Variants in DIPK1B observed in about 807,000 individuals in gnomAD.
DIPK1B encodes divergent protein kinase domain 1B, also known as family with sequence similarity 69 member B.
In DIPK1B, 17 loss-of-function variants were observed where a neutral mutation model predicts 20.7. The observed-to-expected ratio is 0.82, with a 90% CI of 0.56 to 1.23. The LOEUF (loss-of-function observed/expected upper bound fraction) is 1.23, where lower values mean the gene tolerates loss of function less well. DIPK1B is among the 50% of genes most tolerant of loss of function. DIPK1B has a pLI of 0.00. For synonymous variants in DIPK1B, 343 were observed against 276.5 expected, an observed-to-expected ratio of 1.24 and a Z score of -2.39; for missense variants, 648 against 601.8, an observed-to-expected ratio of 1.08 and a Z score of -0.80.
chr9:136,716,557 G>A (rs1263343671), intron 1 of DIPK1B, among the ~76,000 whole-genome samples: 3 of 151,854 alleles, frequency 2.0e-5, no homozygotes, highest in African/African-American at 4.8e-5. Flanking sequence ...GTGAGCCACC[G>A]CACCCAGCTA....
In DIPK1B at chr9:136,723,969, G is replaced by A. The variant is rs745532472; in HGVS notation, c.*195G>A. Reference sequence around the variant, plus strand: ...GAGCAAAGGCGGACATGGACATCCCGGCAGGAGAGTCCTCCAAGGGGGTTT... The same window carrying A: ...GAGCAAAGGCGGACATGGACATCCCAGCAGGAGAGTCCTCCAAGGGGGTTT... On this transcript the variant is annotated 3_prime_UTR_variant, in exon 5 of 5. Transcript: ENST00000371692. The A allele has an allele frequency of 7.0e-5, 43 of 617,058 alleles. No homozygotes were observed. The highest frequency in any genetic ancestry group is 2.1e-4 in the Admixed American group (7 of 33,540). 38.2% of individuals were successfully genotyped at this position (617,058 alleles called of 1,614,324 possible). A position where few individuals can be genotyped will look rare whatever the true frequency, so the allele number is the denominator to read the frequency against.
intron 3 of DIPK1B, 34 bp downstream of exon 3, chr9:136,722,062 C>T (rs1191392606): frequency 4.3e-6 from 7 of 1,613,320 alleles, no homozygotes; most frequent in Non-Finnish European, 5.9e-6. Flanking sequence ...GGGCCTGGGG[C>T]TGATACTGCC....
At chr9:136,722,673 GCT>G (rs1177443195) in intron 4 of DIPK1B, 6 of 572,376 alleles carry the variant, frequency 1.0e-5, no homozygotes, top group African/African-American at 3.7e-5. Context: ...CCTCAGGGAA[GCT>G]CTGAGGCTTC....
intron 1 of DIPK1B, among the ~76,000 whole-genome samples, chr9:136,715,308 A>T (rs913047802): frequency 7.2e-5 from 11 of 152,122 alleles, no homozygotes; most frequent in Admixed American, 3.9e-4. Flanking sequence ...GGGAGAGGGA[A>T]GGTGGCATGC....
chr9:136,715,085 A>T (rs938474850), intron 1 of DIPK1B, among the ~76,000 whole-genome samples: 1 of 152,128 alleles, frequency 6.6e-6, no homozygotes, highest in African/African-American at 2.4e-5. Context: ...CGGGAGGAGG[A>T]TGTGCCCAGG....
chr9:136,713,514 C>G (rs11793385), intron 1 of DIPK1B, among the ~76,000 whole-genome samples: 3 of 152,074 alleles, frequency 2.0e-5, no homozygotes, highest in Admixed American at 2.0e-4. Flanking sequence ...CTGGGAAGAG[C>G]GTATGGAACC....
chr9:136,722,399 GA>G, intron 4 of DIPK1B, 98 bp downstream of exon 4: 1 of 1,361,394 alleles, frequency 7.3e-7, no homozygotes, highest in Non-Finnish European at 1.0e-6. Flanking sequence ...CAAAGGCACA[GA>G]TGGGCCCAAG....
In DIPK1B at chr9:136,723,370, A is replaced by C; in HGVS notation, c.892A>C (p.Thr298Pro). The C allele has an allele frequency of 3.1e-6, 5 of 1,613,308 alleles. No individual in the cohort carries two copies. The highest frequency in any genetic ancestry group is 3.4e-6 in the Non-Finnish European group (4 of 1,179,838). Residue 298 changes from threonine to proline, a missense_variant, in exon 5 of 5, where the codon ACC becomes CCC. Coordinates refer to ENST00000371692, the MANE Select transcript of DIPK1B (RefSeq NM_152421.4). Reference protein sequence around the residue: ...GSYGTFYMCETTLANVGYTAT... With the variant: ...GSYGTFYMCEPTLANVGYTAT... ...TTACGGGACTTTCTACATGTGTGAGACCACACTGGCCAACGTGGGCTACAC... is the reference window on the plus strand; with the variant it reads ...TTACGGGACTTTCTACATGTGTGAGCCCACACTGGCCAACGTGGGCTACAC...
chr9:136,714,156 G>A (rs1846463999), intron 1 of DIPK1B, among the ~76,000 whole-genome samples: 1 of 152,206 alleles, frequency 6.6e-6, no homozygotes, highest in South Asian at 2.1e-4. Context: ...GCAGGGTCAG[G>A]GATGGCAGCT....
At chr9:136,717,751 C>T (rs942671525) in intron 2 of DIPK1B, 40 bp downstream of exon 2, 1 of 1,605,822 alleles carries the variant, frequency 6.2e-7, no homozygotes, top group African/African-American at 1.3e-5. Context: ...GGGCCGTGCC[C>T]CCTGCTGCCC....
At position 136,722,206 on chromosome 9, in the gene DIPK1B, G is replaced by T. The variant is rs145054914; in HGVS notation, c.388G>T (p.Asp130Tyr). Residue 130 changes from aspartate (D) to tyrosine (Y), a missense_variant, in exon 4 of 5, where the codon GAT becomes TAT. Transcript: ENST00000371692. ...GACCCTCGACTCCAAGGCCCGGTCG[G>T]ATGCGGCCCCCCGGCGGGAGCTGGT... Reference protein sequence around the residue: ...EETLDSKARSDAAPRRELVLF... With the variant: ...EETLDSKARSYAAPRRELVLF... 1.3e-5 allele frequency: 21 copies of T among 1,613,938 alleles called. No homozygotes were observed. Among genetic ancestry groups the T allele is most frequent in the Non-Finnish European group, 1.7e-5 (20 of 1,180,012 alleles).
rs1277856444 is a variant in DIPK1B at position 136,717,606 on chromosome 9, C to T, written c.93C>T (p.Cys31=). 6.2e-7 allele frequency: 1 copy of T among 1,602,396 alleles called. No individual in the cohort carries two copies. Among genetic ancestry groups the T allele is most frequent in the Non-Finnish European group, 8.5e-7 (1 of 1,179,870 alleles). The change falls in exon 2 of 5, where the codon TGC becomes TGT. Residue 31 remains cysteine, a synonymous_variant. Coordinates refer to ENST00000371692, the MANE Select transcript of DIPK1B (RefSeq NM_152421.4). The stretch of plus-strand genomic sequence containing the variant: ...GGCTCCCAGGCCTCAGGGTCCGCTG[C>T]ATCTTCCTGGCCTGGCTGGGCGTCT... ...QGRLPGLRVR[C]IFLAWLGVFA... is the part of the protein sequence containing the mutation.
At chr9:136,717,774 C>T in intron 2 of DIPK1B, 63 bp downstream of exon 2, 2 of 1,598,792 alleles carry the variant, frequency 1.3e-6, no homozygotes, top group Non-Finnish European at 8.5e-7. Context: ...GATGCTGGGG[C>T]ACCAGGCCCT....
intron 1 of DIPK1B, among the ~76,000 whole-genome samples, chr9:136,715,907 G>A (rs560365490): frequency 1.4e-4 from 22 of 152,244 alleles, no homozygotes; most frequent in African/African-American, 4.6e-4. Flanking sequence ...CCCTCTGTCC[G>A]CAGAGCTCTC....
chr9:136,715,077 G>A (rs1243379009), intron 1 of DIPK1B, among the ~76,000 whole-genome samples: 3 of 152,258 alleles, frequency 2.0e-5, no homozygotes, highest in East Asian at 1.9e-4. Context: ...GGCGCTGCCG[G>A]GAGGAGGATG....
chr9:136,722,642 C>T lies in DIPK1B; in HGVS notation c.484-320C>T, dbSNP rs182126215. The T allele has an allele frequency of 2.9e-3, 1,639 of 565,974 alleles. 25 individuals are homozygous for T. Among genetic ancestry groups the T allele is most frequent in the African/African-American group, 0.028 (1,492 of 53,372 alleles). 35.1% of individuals were successfully genotyped at this position (565,974 alleles called of 1,614,324 possible). ...CAGGGCTTCAGCCAGTGCGTGCCCT[C>T]TGCCCTGTGCCGATTCTCATCCTCA... On this transcript the variant is annotated intron_variant, in intron 4 of 4. Transcript: ENST00000371692.
In DIPK1B at chr9:136,723,875, T is replaced by C. The variant is rs986249856; in HGVS notation, c.*101T>C. ...TGTCAGAAGATGTGAAATGCAACTGTGTTGCAAAATCACTCCCCTACCGTC... is the reference window on the plus strand; with the variant it reads ...TGTCAGAAGATGTGAAATGCAACTGCGTTGCAAAATCACTCCCCTACCGTC... On this transcript the variant is annotated 3_prime_UTR_variant, in exon 5 of 5. Transcript: ENST00000371692. 1 of 1,221,598 alleles carries C rather than the reference T, an allele frequency of 8.2e-7. No homozygotes were observed. The highest frequency in any genetic ancestry group is 1.5e-5 in the African/African-American group (1 of 66,176). The allele number at this position is 1,221,598 out of a possible 1,614,324, so 75.7% of individuals were successfully genotyped here.
In DIPK1B at chr9:136,717,614, T is replaced by G; in HGVS notation, c.101T>G (p.Leu34Arg). ...GGCCTCAGGGTCCGCTGCATCTTCC[T>G]GGCCTGGCTGGGCGTCTTTGCAGGC... ...LPGLRVRCIF[L>R]AWLGVFAGSW... The change falls in exon 2 of 5, where the codon CTG becomes CGG. Residue 34 changes from leucine (L) to arginine (R), a missense_variant. Transcript: ENST00000371692. The G allele has an allele frequency of 6.2e-7, 1 of 1,603,504 alleles. No homozygotes were observed. The highest frequency in any genetic ancestry group is 8.5e-7 in the Non-Finnish European group (1 of 1,179,896).
At position 136,723,555 on chromosome 9, in the gene DIPK1B, C is replaced by G. The variant is rs753132003; in HGVS notation, c.1077C>G (p.Gly359=). 1 of 1,597,488 alleles carries G rather than the reference C, an allele frequency of 6.3e-7. No individual in the cohort carries two copies. The highest frequency in any genetic ancestry group is 1.1e-5 in the South Asian group (1 of 89,014). Residue 359 remains glycine (G), a synonymous_variant, in exon 5 of 5, where the codon GGC becomes GGG. Transcript: ENST00000371692. ...PCDRLMRQCK[G]DLIQPNLAKV... ...ACAGGCTCATGAGGCAGTGCAAGGGCGACCTCATCCAGCCCAACCTGGCCA... is the reference window on the plus strand; with the variant it reads ...ACAGGCTCATGAGGCAGTGCAAGGGGGACCTCATCCAGCCCAACCTGGCCA...
Sources: allele counts gnomAD v4.1 joint callset (sites outside exome capture counted in the v4.1 genomes callset), GRCh38; gene constraint gnomAD v4.1.1; transcripts MANE v1.5; gene names NCBI Gene and HGNC (gene_info 2026-07-23, HGNC 2026-07-21).